Variants in GNB1 observed in about 807,000 individuals in gnomAD.
GNB1 encodes the protein guanine nucleotide-binding protein G(I)/G(S)/G(T) subunit beta-1.
GNB1 carries 2 observed loss-of-function variants against 42.9 expected under a neutral mutation model. The ratio of observed to expected loss-of-function variants is 0.05; its 90% confidence interval spans 0.02 to 0.15. The LOEUF (loss-of-function observed/expected upper bound fraction) is 0.15. Among genes scored for constraint, GNB1 ranks in the 10% least tolerant of loss-of-function variants. GNB1 has a pLI of 1.00. For synonymous variants in GNB1, 183 were observed against 174.7 expected (o/e 1.05, Z -0.38); for missense variants, 193 against 462.2 (o/e 0.42, Z 5.34).
At chr1:1,881,077 C>T (rs1349222105) in intron 1 of GNB1, among the ~76,000 whole-genome samples, 1 of 152,122 alleles carries the variant, frequency 6.6e-6, no homozygotes, top group Admixed American at 6.6e-5. Context: ...AAGTATAAGG[C>T]CTGCCGTACC....
intron 1 of GNB1, among the ~76,000 whole-genome samples, chr1:1,847,470 C>T (rs1647729881): frequency 6.6e-6 from 1 of 152,202 alleles, no homozygotes; most frequent in African/African-American, 2.4e-5. Flanking sequence ...TACTTACCCC[C>T]AAACACAGCA....
chr1:1,822,862 C>A (rs1646950629), intron 3 of GNB1, among the ~76,000 whole-genome samples: 1 of 152,144 alleles, frequency 6.6e-6, no homozygotes. Context: ...TATTTGTGAA[C>A]AACTTATAGC....
chr1:1,849,778 G>A (rs2101476976), intron 1 of GNB1, among the ~76,000 whole-genome samples: 1 of 152,156 alleles, frequency 6.6e-6, no homozygotes, highest in East Asian at 1.9e-4. Flanking sequence ...ATGTGCCTAG[G>A]TGTTGAGGGT....
At chr1:1,827,993 G>C (rs1647022433) in intron 2 of GNB1, among the ~76,000 whole-genome samples, 1 of 152,078 alleles carries the variant, frequency 6.6e-6, no homozygotes, top group South Asian at 2.1e-4. Flanking sequence ...CTGGGATCTC[G>C]GGAAAGAGAA....
intron 4 of GNB1, 107 bp downstream of exon 4, chr1:1,817,730 A>C: frequency 1.4e-6 from 1 of 704,872 alleles, no homozygotes; most frequent in South Asian, 1.7e-5. Context: ...TGGCATCCTC[A>C]CTGCGCAACA....
intron 10 of GNB1, 155 bp downstream of exon 10, chr1:1,788,898 G>T: frequency 3.2e-6 from 2 of 619,108 alleles, no homozygotes; most frequent in Non-Finnish European, 5.8e-6. Context: ...TGGAGGGTCA[G>T]AGCTGGGCCA....
chr1:1,807,158 T>A (rs981147438), intron 5 of GNB1, among the ~76,000 whole-genome samples: 1 of 151,810 alleles, frequency 6.6e-6, no homozygotes, highest in African/African-American at 2.4e-5. Context: ...ATTTCATAAG[T>A]GTTTCTGTTT....
At chr1:1,816,546 T>C (rs902130474) in intron 4 of GNB1, among the ~76,000 whole-genome samples, 32 of 152,046 alleles carry the variant, frequency 2.1e-4, no homozygotes, top group Non-Finnish European at 4.3e-4. Flanking sequence ...CCCTAAAGCA[T>C]TTAGACAATG....
At chr1:1,849,339 A>G (rs1647855015) in intron 1 of GNB1, among the ~76,000 whole-genome samples, 1 of 152,162 alleles carries the variant, frequency 6.6e-6, no homozygotes, top group Non-Finnish European at 1.5e-5. Context: ...GATGGGATAC[A>G]CTTCTGCCTG....
chr1:1,855,699 G>A (rs559747579), intron 1 of GNB1, among the ~76,000 whole-genome samples: 113 of 150,854 alleles, frequency 7.5e-4, no homozygotes, highest in South Asian at 1.9e-3. Flanking sequence ...GCGAGACTCC[G>A]TCTCAAAAAA....
chr1:1,813,271 C>T (rs1038869727), intron 5 of GNB1, among the ~76,000 whole-genome samples: 7 of 151,980 alleles, frequency 4.6e-5, no homozygotes, highest in Non-Finnish European at 8.8e-5. Context: ...CCATGCCCAG[C>T]TAATTTTTAA....
At chr1:1,846,072 T>C (rs1647644994) in intron 1 of GNB1, among the ~76,000 whole-genome samples, 2 of 152,058 alleles carry the variant, frequency 1.3e-5, no homozygotes, top group African/African-American at 2.4e-5. Context: ...AAAAAGAACA[T>C]GTCAAAAACA....
At chr1:1,812,746 G>A (rs1646799153) in intron 5 of GNB1, among the ~76,000 whole-genome samples, 1 of 152,020 alleles carries the variant, frequency 6.6e-6, no homozygotes, top group Non-Finnish European at 1.5e-5. Context: ...TCTAATCCTG[G>A]GGCTTTCAAG....
chr1:1,834,064 G>A (rs1323173648), intron 2 of GNB1, among the ~76,000 whole-genome samples: 1 of 152,068 alleles, frequency 6.6e-6, no homozygotes, highest in Non-Finnish European at 1.5e-5. Context: ...ACAATGGAGG[G>A]AGGATTTCTG....
intron 1 of GNB1, among the ~76,000 whole-genome samples, chr1:1,882,103 G>A (rs1649880370): frequency 6.6e-6 from 1 of 152,068 alleles, no homozygotes; most frequent in Non-Finnish European, 1.5e-5. Flanking sequence ...ATTCAGCAAG[G>A]CCCTGGATCA....
intron 2 of GNB1, among the ~76,000 whole-genome samples, chr1:1,836,763 T>C (rs1350083111): frequency 6.6e-6 from 1 of 152,020 alleles, no homozygotes; most frequent in Non-Finnish European, 1.5e-5. Context: ...GTTGGCCAGG[T>C]TGTTCTCGAA....
At position 1,862,903 on chromosome 1, in the gene GNB1, A is replaced by T. The variant is rs559130105; in HGVS notation, c.-95-23665T>A. Among the ~76,000 whole-genome samples the T allele has an allele frequency of 2.0e-5, 3 of 152,318 alleles. No homozygotes were observed. In the East Asian group the frequency reaches 5.8e-4, roughly 29 times the overall value. On this transcript the variant is annotated intron_variant, in intron 1 of 11. Coordinates refer to ENST00000378609, the MANE Select transcript of GNB1 (RefSeq NM_002074.5). ...ACCACGGAGGAGGCAAGGTGGCTGA[A>T]TTTGAACTGCAGTGGTGCTGAAGTC...
intron 5 of GNB1, among the ~76,000 whole-genome samples, chr1:1,813,354 G>C (rs1035384438): frequency 6.6e-6 from 1 of 151,966 alleles, no homozygotes; most frequent in Admixed American, 6.6e-5. Flanking sequence ...CAAGTGATCC[G>C]CCCACCTCAG....
intron 4 of GNB1, among the ~76,000 whole-genome samples, chr1:1,817,156 T>A (rs1012214043): frequency 1.3e-5 from 2 of 152,224 alleles, no homozygotes; most frequent in Admixed American, 1.3e-4. Flanking sequence ...TCTCAGTGAA[T>A]GTTACTATTC....
Sources: allele counts gnomAD v4.1 joint callset (sites outside exome capture counted in the v4.1 genomes callset), GRCh38; gene constraint gnomAD v4.1.1; transcripts MANE v1.5; gene names NCBI Gene and HGNC (gene_info 2026-07-23, HGNC 2026-07-21).